CYP2S1: variants seen among roughly 807,000 people sequenced by gnomAD.
CYP2S1 encodes the protein cytochrome P450 2S1.
In CYP2S1, 32 loss-of-function variants were observed where a neutral mutation model predicts 43.5. The ratio of observed to expected loss-of-function variants is 0.74; its 90% CI spans 0.56 to 0.99. The LOEUF (loss-of-function observed/expected upper bound fraction) is 0.99, where lower values mean the gene tolerates loss of function less well. Ranked by LOEUF, CYP2S1 falls within the 50% of genes least tolerant of loss-of-function variation. The pLI is 0.00. For missense variants in CYP2S1, 575 were observed against 673.9 expected (o/e 0.85, Z 1.62); for synonymous variants, 283 against 302.9 (o/e 0.93, Z 0.68).
At chr19:41,195,316 A>G (rs542900794) in intron 2 of CYP2S1, among the ~76,000 whole-genome samples, 3 of 152,308 alleles carry the variant, frequency 2.0e-5, no homozygotes, top group South Asian at 4.2e-4. Flanking sequence ...AAGCCCTCGA[A>G]TAATAGAAAC....
At position 41,205,949 on chromosome 19, in the gene CYP2S1, T is replaced by TC; in HGVS notation, c.1165-5dup. 1 of 1,612,382 alleles carries TC rather than the reference T, an allele frequency of 6.2e-7. No individual in the cohort carries two copies. The highest frequency in any genetic ancestry group is 8.5e-7 in the Non-Finnish European group (1 of 1,179,100). On this transcript the variant is annotated splice_polypyrimidine_tract_variant and intron_variant, in intron 7 of 8. Coordinates refer to ENST00000310054, the MANE Select transcript of CYP2S1 (RefSeq NM_030622.8). ...AGGGGTTTATAGTTTCATTATTATT[T>TC]CCCCTCAGGGCACGGAGGTCTTCCC...
intron 5 of CYP2S1, among the ~76,000 whole-genome samples, chr19:41,199,687 G>A (rs1052214124): frequency 7.2e-5 from 11 of 152,032 alleles, no homozygotes; most frequent in Admixed American, 3.9e-4. Context: ...ATGCCCGGTC[G>A]GGCACAGTGG....
At chr19:41,206,199 C>A in intron 8 of CYP2S1, 81 bp from the exon 9 acceptor site, 1 of 1,609,502 alleles carries the variant, frequency 6.2e-7, no homozygotes, top group South Asian at 1.1e-5. Flanking sequence ...TTACTGTTGG[C>A]TCCTCCACCT....
At chr19:41,205,051 G>A (rs528722677) in intron 7 of CYP2S1, among the ~76,000 whole-genome samples, 11 of 152,164 alleles carry the variant, frequency 7.2e-5, no homozygotes, top group South Asian at 2.1e-4. Context: ...CTTGGGAACC[G>A]GTCCTGTGTA....
chr19:41,205,376 TTCTTTC>T (rs1437526649), intron 7 of CYP2S1, among the ~76,000 whole-genome samples: 21 of 71,316 alleles, frequency 2.9e-4, no homozygotes, highest in Non-Finnish European at 4.9e-4. Flanking sequence ...CTTTCTTTCT[TTCTTTC>T]TCTCTCTCTC....
chr19:41,205,350 C>CTT, intron 7 of CYP2S1, among the ~76,000 whole-genome samples: 2 of 105,054 alleles, frequency 1.9e-5, no homozygotes, highest in South Asian at 5.5e-4. Context: ...TTTTTTCTTT[C>CTT]TTTCTTTCTT....
chr19:41,198,396 A>AG lies in CYP2S1; in HGVS notation c.494-65dup. On this transcript the variant is annotated intron_variant, in intron 3 of 8. Transcript: ENST00000310054. The surrounding 1 kb of genome is among the most constrained non-coding windows in gnomAD (Gnocchi z 4.9). Reference sequence around the variant, plus strand: ...TCCCTGTCTCTCTCTGGTTGGGTTCAGCTCCAACCTGCTCCCCTCTGCCTG... The same window carrying AG: ...TCCCTGTCTCTCTCTGGTTGGGTTCAGGCTCCAACCTGCTCCCCTCTGCCTG... The AG allele has an allele frequency of 6.3e-7, 1 of 1,583,144 alleles. No homozygotes were observed. Among genetic ancestry groups the AG allele is most frequent in the Non-Finnish European group, 8.6e-7 (1 of 1,164,582 alleles).
At chr19:41,195,008 TG>T (rs2033393954) in intron 2 of CYP2S1, among the ~76,000 whole-genome samples, 1 of 152,104 alleles carries the variant, frequency 6.6e-6, no homozygotes, top group Admixed American at 6.6e-5. Context: ...CCCAGATACT[TG>T]GGAGGTTGAG....
At position 41,207,023 on chromosome 19, in the gene CYP2S1, A is replaced by AAT; in HGVS notation, c.*535_*536insAT. On this transcript the variant is annotated 3_prime_UTR_variant, in exon 9 of 9. Transcript: ENST00000310054. ...CCTCTCTTGGCTACACCACTCTCCC[A>AAT]GCCTGTGACCACCGATGTCCACACA... The AAT allele has an allele frequency of 2.9e-6, 1 of 342,346 alleles. No individual in the cohort carries two copies. The highest frequency in any genetic ancestry group is 2.2e-5 in the South Asian group (1 of 44,702). 21.2% of individuals were successfully genotyped at this position (342,346 alleles called of 1,614,324 possible). A position where few individuals can be genotyped will look rare whatever the true frequency, so the allele number is the denominator to read the frequency against.
intron 2 of CYP2S1, among the ~76,000 whole-genome samples, chr19:41,197,517 A>G (rs1261860940): frequency 1.3e-5 from 2 of 151,956 alleles, no homozygotes; most frequent in Admixed American, 6.6e-5. Context: ...TGGCTAACAC[A>G]GTGAAACCCC....
At chr19:41,204,684 G>A (rs1056709266) in intron 7 of CYP2S1, among the ~76,000 whole-genome samples, 12 of 136,306 alleles carry the variant, frequency 8.8e-5, no homozygotes, top group Non-Finnish European at 1.5e-4. Context: ...TGCAACCTCC[G>A]CCTCCCAGGT....
intron 5 of CYP2S1, among the ~76,000 whole-genome samples, chr19:41,200,495 C>A (rs1568400895): frequency 1.3e-5 from 2 of 152,064 alleles, no homozygotes; most frequent in Non-Finnish European, 2.9e-5. Flanking sequence ...GCCTCAGTCT[C>A]CCAAGCAGCT....
chr19:41,198,972 A>AT lies in CYP2S1; in HGVS notation c.834+86dup, dbSNP rs776930292. ...CAGCCAGGTGTCCCTGGGGACCTCA[A>AT]TTGGGTTCCTCTCTCTTTCTCTCTC... On this transcript the variant is annotated intron_variant, in intron 5 of 8. Transcript: ENST00000310054. The surrounding 1 kb of genome is among the most constrained non-coding windows in gnomAD (Gnocchi z 4.9). 67 of 1,485,256 alleles carry AT rather than the reference A, an allele frequency of 4.5e-5. No individual in the cohort carries two copies. The highest frequency in any genetic ancestry group is 5.7e-5 in the Non-Finnish European group (63 of 1,104,868). The allele number at this position is 1,485,256 out of a possible 1,614,324, so 92.0% of individuals were successfully genotyped here.
chr19:41,206,536 C>A lies in CYP2S1; in HGVS notation c.*48C>A, dbSNP rs554679420. 188 of 1,604,894 alleles carry A rather than the reference C, an allele frequency of 1.2e-4. 2 individuals are homozygous for A. In the South Asian group the frequency reaches 2.0e-3, roughly 17 times the overall value. ...GGGTGCCCAGGACGGTGCCTCCAGC[C>A]TCAACAGTGGGCATGGACAGGGTTA... On this transcript the variant is annotated 3_prime_UTR_variant, in exon 9 of 9. Coordinates refer to ENST00000310054, the MANE Select transcript of CYP2S1 (RefSeq NM_030622.8).
At chr19:41,203,344 C>T (rs1190359530) in intron 6 of CYP2S1, 106 bp from the exon 7 acceptor site, 1 of 1,309,248 alleles carries the variant, frequency 7.6e-7, no homozygotes, top group Non-Finnish European at 1.0e-6. Context: ...CTCCTCCCCA[C>T]CTGTCAGCCT....
rs1272861098 is a variant in CYP2S1 at position 41,198,985 on chromosome 19, CTCTT to C, written c.834+101_834+104del. On this transcript the variant is annotated intron_variant, in intron 5 of 8. Coordinates refer to ENST00000310054, the MANE Select transcript of CYP2S1 (RefSeq NM_030622.8). This position sits in a 1 kb window ranked among gnomAD's most constrained non-coding sequence, Gnocchi z 4.9. ...CTGGGGACCTCAATTGGGTTCCTCT[CTCTT>C]TCTCTCTCTGCATGTCTCTGTGAGT... The C allele has an allele frequency of 2.5e-5, 34 of 1,369,958 alleles. No homozygotes were observed. The highest frequency in any genetic ancestry group is 1.2e-4 in the East Asian group (5 of 41,318). The allele number at this position is 1,369,958 out of a possible 1,614,324, so 84.9% of individuals were successfully genotyped here.
chr19:41,205,506 C>T (rs994055681), intron 7 of CYP2S1, among the ~76,000 whole-genome samples: 2 of 149,040 alleles, frequency 1.3e-5, no homozygotes, highest in Admixed American at 1.4e-4. Context: ...TCCCTTCCTC[C>T]CTTCCTGTCT....
chr19:41,201,923 A>G (rs990422985), intron 6 of CYP2S1, among the ~76,000 whole-genome samples: 11 of 152,070 alleles, frequency 7.2e-5, no homozygotes, highest in Non-Finnish European at 1.2e-4. Flanking sequence ...ATCCTGAGCC[A>G]TGGGGAGCAA....
Position 41,198,058 on chromosome 19 carries a change from C to A in CYP2S1, c.493+130C>A. ...GGGAAGCCTTGAACTCTAGGGCTGG[C>A]CTGGGGGTTCTGTTCACTGCCACCT... On this transcript the variant is annotated intron_variant, in intron 3 of 8. Transcript: ENST00000310054. The surrounding 1 kb of genome is among the most constrained non-coding windows in gnomAD (Gnocchi z 4.9). 7.6e-7 allele frequency: 1 copy of A among 1,312,894 alleles called. No individual in the cohort carries two copies. The highest frequency in any genetic ancestry group is 1.0e-6 in the Non-Finnish European group (1 of 985,094). The allele number at this position is 1,312,894 out of a possible 1,614,324, so 81.3% of individuals were successfully genotyped here.
Sources: gnomAD v4.1 joint callset for allele counts (sites outside exome capture counted in the v4.1 genomes callset) on GRCh38, gnomAD v4.1.1 for gene constraint, Gnocchi (gnomAD v3.1) non-coding constraint, MANE v1.5 for transcripts, NCBI Gene and HGNC (gene_info 2026-07-23, HGNC 2026-07-21) for gene names.